MAP2K6: variants seen among roughly 807,000 people sequenced by gnomAD.
The protein encoded by MAP2K6 is dual specificity mitogen-activated protein kinase kinase 6.
MAP2K6 carries 16 observed loss-of-function variants against 53.7 expected under a neutral mutation model. That is an observed-to-expected ratio of 0.30 (90% CI 0.20 to 0.45). MAP2K6 has a LOEUF of 0.45. MAP2K6 is among the 20% of genes least tolerant of loss of function. The pLI, the probability that MAP2K6 is intolerant of heterozygous loss-of-function variation, is 1.00. For missense variants in MAP2K6, 204 were observed against 411.9 expected, an observed-to-expected ratio of 0.50 and a Z score of 4.37; for synonymous variants, 132 against 143.1, an observed-to-expected ratio of 0.92 and a Z score of 0.55.
intron 2 of MAP2K6, among the ~76,000 whole-genome samples, chr17:69,508,050 T>TTTG: frequency 1.5e-5 from 1 of 68,494 alleles, no homozygotes; most frequent in East Asian, 4.3e-4. Flanking sequence ...AGTTTTTTTT[T>TTTG]TTTTTTTTTT....
At chr17:69,438,565 C>G (rs1906721565) in intron 1 of MAP2K6, among the ~76,000 whole-genome samples, 1 of 152,092 alleles carries the variant, frequency 6.6e-6, no homozygotes, top group African/African-American at 2.4e-5. Context: ...TGTACATCCT[C>G]TGAGCTAAAA....
At chr17:69,541,187 C>A (rs551672648) in intron 11 of MAP2K6, among the ~76,000 whole-genome samples, 2 of 152,218 alleles carry the variant, frequency 1.3e-5, no homozygotes, top group African/African-American at 4.8e-5. Flanking sequence ...CACTTGAACC[C>A]GGGAGGCAGA....
rs1909054275 is a variant in MAP2K6, at chr17:69,499,060, G to T, written c.17-6720G>T. ...CTTAGGTTTAAAAATGGATACTGAGGCAATGTAAAATTATAAGCACTCACT... is the reference window on the plus strand; with the variant it reads ...CTTAGGTTTAAAAATGGATACTGAGTCAATGTAAAATTATAAGCACTCACT... On this transcript the variant is annotated intron_variant, in intron 1 of 11. Coordinates refer to ENST00000590474, the MANE Select transcript of MAP2K6 (RefSeq NM_002758.4). Among the ~76,000 whole-genome samples the T allele has an allele frequency of 2.0e-5, 3 of 152,230 alleles. No individual in the cohort carries two copies. The South Asian group carries it at 6.2e-4, about 32-fold the overall frequency.
At chr17:69,434,407 T>C (rs975187936) in intron 1 of MAP2K6, 1 of 152,208 alleles carries the variant, frequency 6.6e-6, no homozygotes, top group African/African-American at 2.4e-5. Context: ...GCTCTCCCCA[T>C]TGGCCTCTTC....
chr17:69,493,974 A>G (rs2043190170), intron 1 of MAP2K6, among the ~76,000 whole-genome samples: 1 of 152,204 alleles, frequency 6.6e-6, no homozygotes, highest in Non-Finnish European at 1.5e-5. Context: ...AAAATTAAGC[A>G]ATTTAGCATA....
intron 1 of MAP2K6, among the ~76,000 whole-genome samples, chr17:69,472,772 C>T (rs1300047210): frequency 2.0e-5 from 3 of 152,166 alleles, no homozygotes; most frequent in Non-Finnish European, 2.9e-5. Context: ...GGCCTCGGCT[C>T]CCTGCAGCCT....
At chr17:69,416,519 C>T (rs982736622) in intron 1 of MAP2K6, among the ~76,000 whole-genome samples, 3 of 152,128 alleles carry the variant, frequency 2.0e-5, no homozygotes, top group South Asian at 2.1e-4. Flanking sequence ...GGTAAACATT[C>T]GCTCATTCAT....
intron 1 of MAP2K6, among the ~76,000 whole-genome samples, chr17:69,479,118 G>A (rs1337265162): frequency 6.6e-6 from 1 of 152,210 alleles, no homozygotes; most frequent in African/African-American, 2.4e-5. Context: ...TCAGAAGGAA[G>A]TGTGGTGTGA....
Position 69,521,083 on chromosome 17 carries a change from T to C in MAP2K6, c.518T>C (p.Leu173Pro). 1 of 1,610,640 alleles carries C rather than the reference T, an allele frequency of 6.2e-7. No individual in the cohort carries two copies. The highest frequency in any genetic ancestry group is 8.5e-7 in the Non-Finnish European group (1 of 1,178,438). The change falls in exon 7 of 12, where the codon CTG becomes CCG. Residue 173 changes from leucine (L) to proline (P), a missense_variant. Transcript: ENST00000590474. ...VKALEHLHSK[L>P]SVIHRDVKPS... ...GCATTAGAACATTTACATAGTAAGC[T>C]GTCTGTCATTCACAGAGGTAAGCAT...
intron 7 of MAP2K6, among the ~76,000 whole-genome samples, chr17:69,522,644 A>G (rs1910537577): frequency 6.6e-6 from 1 of 152,120 alleles, no homozygotes; most frequent in Admixed American, 6.5e-5. Context: ...ATTCGTTTAA[A>G]ATCTGGTCTG....
intron 1 of MAP2K6, among the ~76,000 whole-genome samples, chr17:69,419,623 A>G (rs1251140145): frequency 6.6e-6 from 1 of 152,094 alleles, no homozygotes; most frequent in African/African-American, 2.4e-5. Flanking sequence ...CTCATGAAAT[A>G]TATCCTTAAA....
chr17:69,442,646 T>G (rs987400109), intron 1 of MAP2K6, among the ~76,000 whole-genome samples: 2 of 152,224 alleles, frequency 1.3e-5, no homozygotes, highest in Non-Finnish European at 2.9e-5. Context: ...GTAACTAAAT[T>G]GCAGTTCAAT....
At chr17:69,449,531 G>C (rs9900531) in intron 1 of MAP2K6, among the ~76,000 whole-genome samples, 60 of 103,392 alleles carry the variant, frequency 5.8e-4, no homozygotes, top group East Asian at 5.2e-3. Flanking sequence ...TTCTTTCTTT[G>C]TCTTTCTTTC....
chr17:69,512,356 T>TTTTTTTTTTTTTA (rs1382739219), intron 2 of MAP2K6, among the ~76,000 whole-genome samples: 1 of 138,412 alleles, frequency 7.2e-6, no homozygotes, highest in Non-Finnish European at 1.5e-5. Context: ...TTTTTTTTTT[T>TTTTTTTTTTTTTA]TGAGACAGAG....
intron 2 of MAP2K6, among the ~76,000 whole-genome samples, chr17:69,512,765 T>A (rs970145715): frequency 6.6e-6 from 1 of 152,212 alleles, no homozygotes; most frequent in Non-Finnish European, 1.5e-5. Context: ...CTCTGAGAGT[T>A]GTAAAAATTA....
intron 7 of MAP2K6, chr17:69,521,438 G>C (rs1910461995): frequency 4.4e-6 from 1 of 228,400 alleles, no homozygotes; most frequent in African/African-American, 2.3e-5. Context: ...TGTTGGAAAA[G>C]AATCATGGGT....
At chr17:69,496,611 C>T (rs929838564) in intron 1 of MAP2K6, among the ~76,000 whole-genome samples, 2 of 152,240 alleles carry the variant, frequency 1.3e-5, no homozygotes, top group African/African-American at 2.4e-5. Flanking sequence ...TAAAGTGATC[C>T]GCCCACCTTG....
At chr17:69,465,665 G>A (rs1246370141) in intron 1 of MAP2K6, among the ~76,000 whole-genome samples, 1 of 151,170 alleles carries the variant, frequency 6.6e-6, no homozygotes, top group Non-Finnish European at 1.5e-5. Context: ...TGTTGTCCAG[G>A]CTGGAATACA....
chr17:69,443,143 A>G (rs910032748), intron 1 of MAP2K6, among the ~76,000 whole-genome samples: 1 of 151,958 alleles, frequency 6.6e-6, no homozygotes, highest in Non-Finnish European at 1.5e-5. Context: ...CCTTGAATTT[A>G]TTGTACCTCT....
Sources: allele counts gnomAD v4.1 joint callset (sites outside exome capture counted in the v4.1 genomes callset), GRCh38; gene constraint gnomAD v4.1.1; transcripts MANE v1.5; gene names NCBI Gene and HGNC (gene_info 2026-07-23, HGNC 2026-07-21).